PRKAR1B: variants seen among roughly 807,000 people sequenced by gnomAD.
The protein encoded by PRKAR1B is protein kinase cAMP-dependent type I regulatory subunit beta.
PRKAR1B carries 22 observed loss-of-function variants against 46.5 expected under a neutral mutation model. That is an observed-to-expected ratio of 0.47 (90% confidence interval 0.34 to 0.68). The LOEUF (loss-of-function observed/expected upper bound fraction) is 0.68. PRKAR1B is among the 30% of genes least tolerant of loss of function. The probability of loss-of-function intolerance (pLI) is 0.01; values close to 1 mark genes in which losing one functional copy is unlikely to be tolerated. For missense variants in PRKAR1B, 445 were observed against 535.6 expected, an observed-to-expected ratio of 0.83 and a Z score of 1.67; for synonymous variants, 259 against 217.7, an observed-to-expected ratio of 1.19 and a Z score of -1.67.
chr7:600,480 G>A lies in PRKAR1B; in HGVS notation c.550-4176C>T, dbSNP rs373809738. 1.4e-4 allele frequency among the ~76,000 whole-genome samples: 22 copies of A among 152,338 alleles called. No homozygotes were observed. The South Asian group carries it at 3.7e-3, about 26-fold the overall frequency. ...GCACTCCCAGCCTGGGCGACAGAGC[G>A]AGACCCCATCTCAAAAAATTAAAAA... On this transcript the variant is annotated intron_variant, in intron 6 of 10. Coordinates refer to ENST00000537384, the MANE Select transcript of PRKAR1B (RefSeq NM_001164760.2).
chr7:661,605 C>CA (rs1785572099), intron 4 of PRKAR1B, among the ~76,000 whole-genome samples: 1 of 29,674 alleles, frequency 3.4e-5, no homozygotes. Context: ...ACTCTCCCCC[C>CA]CATGGCACAG....
rs1247165805 is a variant in PRKAR1B, at chr7:680,825, G to C, written c.178-99C>G. 5.0e-6 allele frequency: 7 copies of C among 1,388,748 alleles called. No individual in the cohort carries two copies. In the Admixed American group the frequency reaches 6.5e-5, roughly 13 times the overall value. The allele number at this position is 1,388,748 out of a possible 1,614,324, so 86.0% of individuals were successfully genotyped here. A position where few individuals can be genotyped will look rare whatever the true frequency, so the allele number is the denominator to read the frequency against. On this transcript the variant is annotated intron_variant, in intron 2 of 10. Transcript: ENST00000537384. ...TGATCCCAGCACTGTGGGAGGACTA[G>C]TGGGAGGATCGCTTGAACTCAGGAG...
chr7:680,199 C>T (rs1778586030), intron 3 of PRKAR1B, among the ~76,000 whole-genome samples: 2 of 151,388 alleles, frequency 1.3e-5, no homozygotes, highest in South Asian at 2.1e-4. Flanking sequence ...AGAGAGGCTG[C>T]AGGAGCATGG....
intron 4 of PRKAR1B, among the ~76,000 whole-genome samples, chr7:632,965 C>T (rs1783846583): frequency 6.6e-6 from 1 of 152,246 alleles, no homozygotes; most frequent in African/African-American, 2.4e-5. Flanking sequence ...CGGCAAGCCT[C>T]CACTTTCTCC....
At chr7:576,046 C>T (rs534967351) in intron 9 of PRKAR1B, among the ~76,000 whole-genome samples, 140 of 149,256 alleles carry the variant, frequency 9.4e-4, no homozygotes, top group African/African-American at 2.8e-3. Context: ...CCTCTGCACA[C>T]GGGCAAATGT....
At chr7:708,832 G>A (rs1303265144) in intron 2 of PRKAR1B, among the ~76,000 whole-genome samples, 1 of 140,112 alleles carries the variant, frequency 7.1e-6, no homozygotes, top group Non-Finnish European at 1.5e-5. Flanking sequence ...TCCCTCTGTC[G>A]CCCAGGCCAG....
intron 2 of PRKAR1B, among the ~76,000 whole-genome samples, chr7:684,346 C>CA (rs958302196): frequency 1.3e-5 from 2 of 152,020 alleles, no homozygotes; most frequent in Non-Finnish European, 2.9e-5. Flanking sequence ...GGAGCTTCCC[C>CA]AAAAAAAATG....
chr7:565,369 A>G (rs1242406104), intron 9 of PRKAR1B: 1 of 152,264 alleles, frequency 6.6e-6, no homozygotes, highest in Non-Finnish European at 1.5e-5. Flanking sequence ...ACCTGGGTGC[A>G]GCCACAGCCA....
intron 4 of PRKAR1B, among the ~76,000 whole-genome samples, chr7:673,777 G>C (rs532595113): frequency 2.0e-5 from 3 of 152,194 alleles, no homozygotes; most frequent in Non-Finnish European, 4.4e-5. Context: ...AGCAGGTCCT[G>C]AAACAACAGA....
intron 1 of PRKAR1B, among the ~76,000 whole-genome samples, chr7:719,598 C>T (rs1188969738): frequency 1.3e-5 from 2 of 152,166 alleles, no homozygotes; most frequent in Non-Finnish European, 2.9e-5. Context: ...TTTGTTGTAA[C>T]GTGTTGGCCC....
At position 560,057 on chromosome 7, in the gene PRKAR1B, G is replaced by A. The variant is rs552004070; in HGVS notation, c.892-8587C>T. On this transcript the variant is annotated intron_variant, in intron 9 of 10. Coordinates refer to ENST00000537384, the MANE Select transcript of PRKAR1B (RefSeq NM_001164760.2). The surrounding 1 kb of genome is among the most constrained non-coding windows in gnomAD (Gnocchi z 4.2). The stretch of plus-strand genomic sequence containing the variant: ...GTCTCTAATAATGACAAGGTTTGGC[G>A]GTGTCCCCACCCAAATCTCATCTTG... 4.6e-5 allele frequency among the ~76,000 whole-genome samples: 7 copies of A among 152,184 alleles called. No homozygotes were observed. The highest frequency in any genetic ancestry group is 2.1e-4 in the South Asian group (1 of 4,820).
At chr7:620,621 T>C (rs1783061614) in intron 4 of PRKAR1B, among the ~76,000 whole-genome samples, 1 of 152,262 alleles carries the variant, frequency 6.6e-6, no homozygotes, top group South Asian at 2.1e-4. Context: ...ATTTATGGAT[T>C]CCTTGGGCTT....
chr7:640,833 A>G (rs1407590678), intron 4 of PRKAR1B, among the ~76,000 whole-genome samples: 2 of 151,388 alleles, frequency 1.3e-5, no homozygotes, highest in Non-Finnish European at 2.9e-5. Flanking sequence ...ACCACTTTGC[A>G]TCCACTAGAA....
chr7:656,992 AATGGATGGATGG>A lies in PRKAR1B; in HGVS notation c.440+20225_440+20236del, dbSNP rs1370542070. Among the ~76,000 whole-genome samples the A allele has an allele frequency of 1.0e-3, 151 of 144,672 alleles. 1 individual carries two copies. The highest frequency in any genetic ancestry group is 3.7e-3 in the African/African-American group (145 of 38,856). 94.9% of individuals were successfully genotyped at this position (144,672 alleles called of 152,430 possible). ...GCATGGATGGACGGACGGATGGATG[AATGGATGGATGG>A]ATGGACGGATGGATGGATGAATGAA... is the stretch of plus-strand genomic sequence containing the variant. On this transcript the variant is annotated intron_variant, in intron 4 of 10. Coordinates refer to ENST00000537384, the MANE Select transcript of PRKAR1B (RefSeq NM_001164760.2).
chr7:586,151 A>G (rs530384373), intron 7 of PRKAR1B, among the ~76,000 whole-genome samples: 1 of 152,260 alleles, frequency 6.6e-6, no homozygotes, highest in South Asian at 2.1e-4. Context: ...CCATGGAACA[A>G]CACACCCACC....
intron 4 of PRKAR1B, among the ~76,000 whole-genome samples, chr7:615,138 AAAG>A (rs1407919772): frequency 6.6e-6 from 1 of 151,898 alleles, no homozygotes; most frequent in Non-Finnish European, 1.5e-5. Flanking sequence ...AGAAAGAGAG[AAAG>A]AAGGCCAGGT....
At chr7:728,492 C>T (rs1260401537), upstream of PRKAR1B, among the ~76,000 whole-genome samples, 2 of 152,192 alleles carry the variant, frequency 1.3e-5, no homozygotes, top group African/African-American at 2.4e-5. Context: ...GGGGAAATGC[C>T]GAGATTTCCA....
intron 4 of PRKAR1B, among the ~76,000 whole-genome samples, chr7:617,639 T>A (rs1235074665): frequency 1.3e-5 from 2 of 152,168 alleles, no homozygotes; most frequent in Non-Finnish European, 2.9e-5. Flanking sequence ...TGGGTCCTTG[T>A]CACCGACTGT....
At chr7:721,276 GGTCA>G (rs1781062197) in intron 1 of PRKAR1B, among the ~76,000 whole-genome samples, 1 of 152,172 alleles carries the variant, frequency 6.6e-6, no homozygotes, top group South Asian at 2.1e-4. Flanking sequence ...GGTGAAAGAT[GGTCA>G]GTGACATTGA....
Sources: allele counts gnomAD v4.1 joint callset (sites outside exome capture counted in the v4.1 genomes callset), GRCh38; gene constraint gnomAD v4.1.1; non-coding constraint Gnocchi (gnomAD v3.1); transcripts MANE v1.5; gene names NCBI Gene and HGNC (gene_info 2026-07-23, HGNC 2026-07-21).